The following KIF26B variants were observed in gnomAD, a reference collection of about 807,000 sequenced individuals.
KIF26B encodes kinesin family member 26B.
In KIF26B, 63 loss-of-function variants were observed where a neutral mutation model predicts 151.2. The observed-to-expected ratio is 0.42, with a 90% confidence interval of 0.34 to 0.51. KIF26B has a LOEUF of 0.51. KIF26B is among the 20% of genes least tolerant of loss of function. The pLI, the probability that KIF26B is intolerant of heterozygous loss-of-function variation, is 0.07. For missense variants in KIF26B, 2,813 were observed against 2,913.6 expected (o/e 0.97, Z 0.79); for synonymous variants, 1,357 against 1,262.1 (o/e 1.08, Z -1.59).
At chr1:245,181,529 C>A (rs1668906571) in intron 2 of KIF26B, among the ~76,000 whole-genome samples, 1 of 146,584 alleles carries the variant, frequency 6.8e-6, no homozygotes. Flanking sequence ...AAAAAAAAGC[C>A]AAAAAAAAAA....
intron 2 of KIF26B, among the ~76,000 whole-genome samples, chr1:245,230,244 G>A (rs764787073): frequency 2.7e-4 from 41 of 151,460 alleles, no homozygotes; most frequent in Non-Finnish European, 4.4e-4. Flanking sequence ...TAAATGTCCC[G>A]AAGCAGCAGA....
chr1:245,618,693 A>T (rs190242928), intron 9 of KIF26B, among the ~76,000 whole-genome samples: 3 of 135,068 alleles, frequency 2.2e-5, no homozygotes, highest in Admixed American at 2.2e-4. Flanking sequence ...CTTGAGACAG[A>T]GTGCCACAGT....
chr1:245,454,787 C>T (rs549152402), intron 4 of KIF26B, among the ~76,000 whole-genome samples: 14 of 152,058 alleles, frequency 9.2e-5, no homozygotes, highest in Non-Finnish European at 1.8e-4. Flanking sequence ...TTTCTTTCTC[C>T]TTTTTCCTCT....
intron 10 of KIF26B, among the ~76,000 whole-genome samples, chr1:245,669,034 T>A (rs2044251307): frequency 6.6e-6 from 1 of 152,194 alleles, no homozygotes; most frequent in South Asian, 2.1e-4. Context: ...CCAGAAGGCA[T>A]CATAATAGAG....
At chr1:245,621,154 TG>T (rs201782634) in intron 9 of KIF26B, among the ~76,000 whole-genome samples, 2,001 of 152,302 alleles carry the variant, frequency 0.013, 25 homozygotes, top group Admixed American at 0.022. Flanking sequence ...CAATATTTCT[TG>T]AAAGATTCCA....
intron 2 of KIF26B, among the ~76,000 whole-genome samples, chr1:245,357,948 G>A (rs556253922): frequency 2.6e-4 from 40 of 152,190 alleles, no homozygotes; most frequent in African/African-American, 8.4e-4. Flanking sequence ...ACATGGTCTC[G>A]CTCTGCTGCC....
intron 10 of KIF26B, among the ~76,000 whole-genome samples, chr1:245,654,924 T>C (rs1391608045): frequency 1.3e-5 from 2 of 152,200 alleles, no homozygotes; most frequent in African/African-American, 4.8e-5. Context: ...GCAAGTGAGA[T>C]CACGAGCTTT....
At chr1:245,617,392 G>T (rs1307250099) in intron 9 of KIF26B, among the ~76,000 whole-genome samples, 1 of 152,122 alleles carries the variant, frequency 6.6e-6, no homozygotes, top group Admixed American at 6.5e-5. Context: ...AGCCTAATCT[G>T]CTTTCTTTTG....
intron 2 of KIF26B, among the ~76,000 whole-genome samples, chr1:245,297,049 T>C (rs932817867): frequency 6.6e-6 from 1 of 152,038 alleles, no homozygotes; most frequent in African/African-American, 2.4e-5. Context: ...ATTCTCAAAG[T>C]AACTCTGTGA....
intron 2 of KIF26B, among the ~76,000 whole-genome samples, chr1:245,264,501 CTATT>C (rs905968658): frequency 6.6e-6 from 1 of 151,608 alleles, no homozygotes; most frequent in African/African-American, 2.4e-5. Flanking sequence ...ACTGTTAACA[CTATT>C]TAAGTGTTAT....
At position 245,419,846 on chromosome 1, in the gene KIF26B, C is replaced by T. The variant is rs553237721; in HGVS notation, c.1166+101C>T. ...TGAAACACTAGAAAGAGTTTGGGGC[C>T]GTTCTGTGATGTCATTCATTAAGAC... On this transcript the variant is annotated intron_variant, in intron 4 of 14. Coordinates refer to ENST00000407071, the MANE Select transcript of KIF26B (RefSeq NM_018012.4). The T allele has an allele frequency of 7.4e-5, 82 of 1,113,968 alleles. No homozygotes were observed. The East Asian group carries it at 1.3e-3, about 17-fold the overall frequency. The allele number at this position is 1,113,968 out of a possible 1,614,324, so 69.0% of individuals were successfully genotyped here.
rs944543963 is a variant in KIF26B, at chr1:245,352,431, T to G, written c.466-14403T>G. Among the ~76,000 whole-genome samples, 9 of 152,110 alleles carry G rather than the reference T, an allele frequency of 5.9e-5. No individual in the cohort carries two copies. The highest frequency in any genetic ancestry group is 1.4e-4 in the African/African-American group (6 of 41,424). ...GGCACCCACCACCACACCTGGCTAA[T>G]TTTTGTATTTTCAGTAGAGATGGGT... On this transcript the variant is annotated intron_variant, in intron 2 of 14. Coordinates refer to ENST00000407071, the MANE Select transcript of KIF26B (RefSeq NM_018012.4). The surrounding 1 kb of genome is among the most constrained non-coding windows in gnomAD (Gnocchi z 5.0).
At chr1:245,332,024 G>A (rs1387612925) in intron 2 of KIF26B, among the ~76,000 whole-genome samples, 1 of 152,194 alleles carries the variant, frequency 6.6e-6, no homozygotes, top group Non-Finnish European at 1.5e-5. Flanking sequence ...TAGTCGGGAG[G>A]CTGAGGCAGG....
intron 5 of KIF26B, among the ~76,000 whole-genome samples, chr1:245,573,517 T>C (rs2043085631): frequency 1.3e-5 from 2 of 151,972 alleles, no homozygotes; most frequent in South Asian, 4.2e-4. Context: ...AGCTAGACTT[T>C]GTCTCACAAA....
intron 3 of KIF26B, among the ~76,000 whole-genome samples, chr1:245,390,921 CAAAAAA>C (rs796799193): frequency 1.5e-4 from 2 of 13,438 alleles, no homozygotes; most frequent in Non-Finnish European, 2.2e-4. Flanking sequence ...GACCCTGTCT[CAAAAAA>C]AAAAAAAAAA....
chr1:245,291,902 T>C (rs1671258824), intron 2 of KIF26B, among the ~76,000 whole-genome samples: 1 of 152,034 alleles, frequency 6.6e-6, no homozygotes, highest in Non-Finnish European at 1.5e-5. Flanking sequence ...GAGGACAGAA[T>C]GGCTTCAGCT....
intron 5 of KIF26B, among the ~76,000 whole-genome samples, chr1:245,559,554 GGC>G (rs1315788656): frequency 1.3e-5 from 2 of 152,058 alleles, no homozygotes; most frequent in Non-Finnish European, 2.9e-5. Context: ...CTGGGAGACA[GGC>G]GCACGCCCCC....
In KIF26B at chr1:245,423,375, C is replaced by T. The variant is rs1045405444; in HGVS notation, c.1166+3630C>T. Reference sequence around the variant, plus strand: ...AGTTACTGACCCAGAGCCACATAGCCGGGAGTGGCGGAGTGGGAAATCCAT... The same window carrying T: ...AGTTACTGACCCAGAGCCACATAGCTGGGAGTGGCGGAGTGGGAAATCCAT... On this transcript the variant is annotated intron_variant, in intron 4 of 14. Coordinates refer to ENST00000407071, the MANE Select transcript of KIF26B (RefSeq NM_018012.4). 7.2e-5 allele frequency among the ~76,000 whole-genome samples: 11 copies of T among 152,084 alleles called. 1 individual carries two copies. Among genetic ancestry groups the T allele is most frequent in the African/African-American group, 1.9e-4 (8 of 41,432 alleles).
intron 4 of KIF26B, among the ~76,000 whole-genome samples, chr1:245,487,540 C>A (rs765964513): frequency 5.9e-5 from 9 of 152,142 alleles, no homozygotes; most frequent in Non-Finnish European, 1.0e-4. Context: ...CCCTTTGACA[C>A]AATCAAGGGC....
Sources: allele counts gnomAD v4.1 joint callset (sites outside exome capture counted in the v4.1 genomes callset), GRCh38; gene constraint gnomAD v4.1.1; non-coding constraint Gnocchi (gnomAD v3.1); transcripts MANE v1.5; gene names NCBI Gene and HGNC (gene_info 2026-07-23, HGNC 2026-07-21).